The following REC114 variants were observed in gnomAD, a reference collection of about 807,000 sequenced individuals.
The protein encoded by REC114 is REC114 meiotic recombination protein.
A neutral mutation model predicts 31.3 loss-of-function variants in REC114; 27 were observed. The observed-to-expected ratio is 0.86, with a 90% CI of 0.64 to 1.19. The LOEUF is 1.19. REC114 is among the 50% of genes most tolerant of loss of function. The pLI is 0.00. For synonymous variants in REC114, 134 were observed against 127.7 expected (o/e 1.05, Z -0.33); for missense variants, 344 against 326.9 (o/e 1.05, Z -0.40).
At chr15:73,477,488 C>A (rs563992704) in intron 2 of REC114, among the ~76,000 whole-genome samples, 2 of 152,246 alleles carry the variant, frequency 1.3e-5, no homozygotes, top group Admixed American at 1.3e-4. Context: ...GTGATCATAG[C>A]TCACTGCAGC....
At chr15:73,558,392 G>C (rs556560489) in intron 5 of REC114, among the ~76,000 whole-genome samples, 3 of 152,186 alleles carry the variant, frequency 2.0e-5, no homozygotes, top group Non-Finnish European at 2.9e-5. Context: ...GCCCATCATC[G>C]TCATGTGGGA....
At chr15:73,465,284 AT>A (rs1271718223) in intron 1 of REC114, among the ~76,000 whole-genome samples, 10 of 152,096 alleles carry the variant, frequency 6.6e-5, no homozygotes, top group African/African-American at 2.4e-4. Context: ...TGAAGCTACC[AT>A]TTTTTCTTGA....
intron 1 of REC114, among the ~76,000 whole-genome samples, chr15:73,465,659 A>G (rs1029192436): frequency 3.3e-5 from 5 of 152,128 alleles, no homozygotes; most frequent in Non-Finnish European, 5.9e-5. Flanking sequence ...TTTTTTTAAC[A>G]TCTTCTTCCC....
intron 3 of REC114, among the ~76,000 whole-genome samples, chr15:73,544,226 T>G (rs1894279831): frequency 6.6e-6 from 1 of 152,196 alleles, no homozygotes; most frequent in Non-Finnish European, 1.5e-5. Context: ...AGTATTAAGA[T>G]CATGGGTTTC....
At chr15:73,540,315 A>G (rs905681946) in intron 2 of REC114, among the ~76,000 whole-genome samples, 170 bp from the exon 3 acceptor site, 1 of 152,238 alleles carries the variant, frequency 6.6e-6, no homozygotes, top group African/African-American at 2.4e-5. Flanking sequence ...CAGGACATTG[A>G]GGACTTAGTA....
At chr15:73,460,466 T>C (rs1892974967) in intron 1 of REC114, among the ~76,000 whole-genome samples, 2 of 152,196 alleles carry the variant, frequency 1.3e-5, no homozygotes, top group Admixed American at 6.5e-5. Context: ...ATAGGTGTTT[T>C]TGACTTCACA....
chr15:73,452,894 A>G (rs924380500), intron 1 of REC114, among the ~76,000 whole-genome samples: 4 of 152,220 alleles, frequency 2.6e-5, no homozygotes, highest in African/African-American at 9.7e-5. Flanking sequence ...AGGATTCCCT[A>G]TTTAATAAAT....
chr15:73,459,565 A>C (rs1892962447), intron 1 of REC114, among the ~76,000 whole-genome samples: 1 of 152,140 alleles, frequency 6.6e-6, no homozygotes, highest in South Asian at 2.1e-4. Flanking sequence ...GCAAAACTGG[A>C]ATTTGATCCT....
intron 1 of REC114, among the ~76,000 whole-genome samples, chr15:73,466,940 C>T (rs1031151101): frequency 6.6e-6 from 1 of 152,146 alleles, no homozygotes; most frequent in South Asian, 2.1e-4. Flanking sequence ...TGTAGTACCA[C>T]AGGGAGGGAA....
intron 2 of REC114, among the ~76,000 whole-genome samples, chr15:73,518,358 C>G (rs1017957506): frequency 6.6e-6 from 1 of 152,222 alleles, no homozygotes; most frequent in Non-Finnish European, 1.5e-5. Flanking sequence ...CTGTCTCTGC[C>G]TCTGCCTCTC....
chr15:73,482,963 A>G (rs1047462287), intron 2 of REC114, among the ~76,000 whole-genome samples: 6 of 151,762 alleles, frequency 4.0e-5, no homozygotes, highest in Non-Finnish European at 8.8e-5. Context: ...CATTCCTAGC[A>G]ATAGTGCATG....
chr15:73,488,105 T>G (rs1893397152), intron 2 of REC114, among the ~76,000 whole-genome samples: 1 of 152,204 alleles, frequency 6.6e-6, no homozygotes, highest in Admixed American at 6.5e-5. Context: ...GAGCAGAGAC[T>G]TGAGGCAGCC....
chr15:73,539,282 ATT>A (rs753968018), intron 2 of REC114, among the ~76,000 whole-genome samples: 1,736 of 70,504 alleles, frequency 0.025, 11 homozygotes, highest in African/African-American at 0.072. Flanking sequence ...TTCAGAACTG[ATT>A]TTTTTTTTTT....
chr15:73,517,495 G>A (rs935330672), intron 2 of REC114, among the ~76,000 whole-genome samples: 6 of 152,084 alleles, frequency 3.9e-5, no homozygotes, highest in African/African-American at 1.2e-4. Flanking sequence ...AAAACCAATC[G>A]GACTTAGTGG....
intron 4 of REC114, among the ~76,000 whole-genome samples, chr15:73,555,735 T>G (rs1894457459): frequency 6.6e-6 from 1 of 152,146 alleles, no homozygotes; most frequent in Admixed American, 6.6e-5. Flanking sequence ...AAAGAAGATA[T>G]CTGTAAGTTT....
chr15:73,458,708 A>G (rs1372657231), intron 1 of REC114, among the ~76,000 whole-genome samples: 1 of 152,216 alleles, frequency 6.6e-6, no homozygotes, highest in Non-Finnish European at 1.5e-5. Context: ...GAGGGGATAA[A>G]GAAATGGACA....
At chr15:73,547,118 G>A (rs746219723) in intron 3 of REC114, among the ~76,000 whole-genome samples, 1 of 152,072 alleles carries the variant, frequency 6.6e-6, no homozygotes, top group South Asian at 2.1e-4. Context: ...ACAACCCACA[G>A]AAGGGGAGAA....
intron 2 of REC114, among the ~76,000 whole-genome samples, chr15:73,507,010 G>T (rs184826747): frequency 6.6e-6 from 1 of 152,146 alleles, no homozygotes; most frequent in Non-Finnish European, 1.5e-5. Flanking sequence ...AGAAAAGATT[G>T]ATAAAGCTTG....
intron 2 of REC114, among the ~76,000 whole-genome samples, chr15:73,505,677 G>A (rs950038267): frequency 6.6e-6 from 1 of 151,994 alleles, no homozygotes; most frequent in African/African-American, 2.4e-5. Flanking sequence ...GACTACAGGC[G>A]CCCGCCACCA....
Sources: gnomAD v4.1 joint callset for allele counts (sites outside exome capture counted in the v4.1 genomes callset) on GRCh38, gnomAD v4.1.1 for gene constraint, MANE v1.5 for transcripts, NCBI Gene and HGNC (gene_info 2026-07-23, HGNC 2026-07-21) for gene names.